Variants in PKIA observed in about 807,000 individuals in gnomAD.
PKIA encodes PKI-alpha.
In PKIA, 4 loss-of-function variants were observed where a neutral mutation model predicts 7.6. The ratio of observed to expected loss-of-function variants is 0.52; its 90% CI spans 0.26 to 1.20. The LOEUF (loss-of-function observed/expected upper bound fraction) is 1.20, where lower values mean the gene tolerates loss of function less well. Among genes scored for constraint, PKIA ranks in the 50% most tolerant of loss-of-function variants. PKIA has a pLI of 0.13. For synonymous variants in PKIA, 21 were observed against 30.7 expected (o/e 0.68, Z 1.04); for missense variants, 73 against 86.2 (o/e 0.85, Z 0.61).
chr8:78,572,370 T>G (rs886596857), intron 1 of PKIA, among the ~76,000 whole-genome samples: 1 of 151,942 alleles, frequency 6.6e-6, no homozygotes, highest in African/African-American at 2.4e-5. Flanking sequence ...TTTAGTCAAA[T>G]TAATTTTTTG....
intron 1 of PKIA, among the ~76,000 whole-genome samples, chr8:78,557,655 G>A (rs1389299810): frequency 2.0e-5 from 3 of 152,094 alleles, no homozygotes; most frequent in African/African-American, 7.2e-5. Flanking sequence ...TAAGGCTCTT[G>A]TCAAAATGGT....
intron 1 of PKIA, among the ~76,000 whole-genome samples, chr8:78,546,083 A>G (rs1259320518): frequency 1.3e-5 from 2 of 152,226 alleles, no homozygotes; most frequent in African/African-American, 4.8e-5. Flanking sequence ...TCATACAATG[A>G]AGGTTTCCTG....
At chr8:78,520,705 CTT>C (rs1183315232) in intron 1 of PKIA, among the ~76,000 whole-genome samples, 1 of 152,150 alleles carries the variant, frequency 6.6e-6, no homozygotes, top group East Asian at 1.9e-4. Flanking sequence ...ACATCTCAAA[CTT>C]TTGATAACTC....
At chr8:78,552,627 G>A (rs886916685) in intron 1 of PKIA, among the ~76,000 whole-genome samples, 8 of 151,960 alleles carry the variant, frequency 5.3e-5, no homozygotes, top group African/African-American at 1.9e-4. Flanking sequence ...ACATGCATGG[G>A]AACAATGGTG....
chr8:78,572,383 G>C (rs184273800), intron 1 of PKIA, among the ~76,000 whole-genome samples: 81 of 151,920 alleles, frequency 5.3e-4, no homozygotes, highest in African/African-American at 1.9e-3. Flanking sequence ...ATTTTTTGAA[G>C]ATCTAAGTGA....
At position 78,568,333 on chromosome 8, in the gene PKIA, C is replaced by T. The variant is rs111436389; in HGVS notation, c.-156-4478C>T. ...ACTTCTGCAAGTGTGAAAATCAAAT[C>T]GTAATAACCTTGTGAACCCTTAGGA... On this transcript the variant is annotated intron_variant, in intron 1 of 3. Transcript: ENST00000396418. Among the ~76,000 whole-genome samples the T allele has an allele frequency of 9.5e-4, 144 of 152,192 alleles. 2 individuals are homozygous for T. The highest frequency in any genetic ancestry group is 3.2e-3 in the African/African-American group (131 of 41,540).
At chr8:78,558,013 T>C (rs1054986688) in intron 1 of PKIA, among the ~76,000 whole-genome samples, 1 of 152,190 alleles carries the variant, frequency 6.6e-6, no homozygotes, top group African/African-American at 2.4e-5. Context: ...GTAGCAAAAA[T>C]CTGAAATTAC....
intron 1 of PKIA, among the ~76,000 whole-genome samples, chr8:78,546,090 C>A (rs1017165042): frequency 6.6e-6 from 1 of 152,118 alleles, no homozygotes; most frequent in Non-Finnish European, 1.5e-5. Flanking sequence ...ATGAAGGTTT[C>A]CTGAAGAGTG....
At chr8:78,590,611 A>G (rs1808070951) in intron 2 of PKIA, among the ~76,000 whole-genome samples, 1 of 152,040 alleles carries the variant, frequency 6.6e-6, no homozygotes, top group Admixed American at 6.6e-5. Flanking sequence ...TAAGCCAGAG[A>G]GTTGCAAATG....
intron 1 of PKIA, among the ~76,000 whole-genome samples, chr8:78,561,873 T>C (rs1462570402): frequency 6.6e-6 from 1 of 152,216 alleles, no homozygotes; most frequent in African/African-American, 2.4e-5. Context: ...TTGTTAGTAA[T>C]AGCTGCTCTA....
At chr8:78,552,377 T>A (rs935589406) in intron 1 of PKIA, among the ~76,000 whole-genome samples, 2 of 151,108 alleles carry the variant, frequency 1.3e-5, no homozygotes, top group Non-Finnish European at 3.0e-5. Context: ...AAGGAAGACT[T>A]AGTGCTTTTC....
intron 2 of PKIA, among the ~76,000 whole-genome samples, chr8:78,579,494 T>A (rs1807757034): frequency 6.6e-6 from 1 of 152,024 alleles, no homozygotes; most frequent in Non-Finnish European, 1.5e-5. Context: ...TTAGGACCTT[T>A]GCACTTGTTA....
At chr8:78,594,564 G>T (rs1808185288) in intron 2 of PKIA, among the ~76,000 whole-genome samples, 3 of 152,164 alleles carry the variant, frequency 2.0e-5, no homozygotes, top group African/African-American at 7.2e-5. Context: ...GCATTTGGTT[G>T]ATATGCATGT....
chr8:78,525,979 G>A (rs1809537190), intron 1 of PKIA, among the ~76,000 whole-genome samples: 2 of 152,030 alleles, frequency 1.3e-5, no homozygotes, highest in East Asian at 1.9e-4. Context: ...GAGTTGTGGT[G>A]AAGATGAAAG....
chr8:78,525,846 T>C (rs1422110908), intron 1 of PKIA, among the ~76,000 whole-genome samples: 1 of 152,032 alleles, frequency 6.6e-6, no homozygotes, highest in Non-Finnish European at 1.5e-5. Context: ...TATGTCTAGA[T>C]CATGTTTTTC....
Position 78,533,483 on chromosome 8 carries a change from T to C in PKIA, c.-157+17015T>C, listed in dbSNP as rs149556369. ...CATTTATTGTACTAGGTGCTGGCAA[T>C]AGAATGTTAAACAGAATGGTATACA... is the stretch of plus-strand genomic sequence containing the variant. On this transcript the variant is annotated intron_variant, in intron 1 of 3. Coordinates refer to ENST00000396418, the MANE Select transcript of PKIA (RefSeq NM_006823.4). Among the ~76,000 whole-genome samples, 368 of 152,280 alleles carry C rather than the reference T, an allele frequency of 2.4e-3. 6 individuals carry two copies. The highest frequency in any genetic ancestry group is 3.4e-3 in the Middle Eastern group (1 of 294).
At chr8:78,526,230 G>A (rs183409287) in intron 1 of PKIA, among the ~76,000 whole-genome samples, 1 of 152,172 alleles carries the variant, frequency 6.6e-6, no homozygotes, top group African/African-American at 2.4e-5. Context: ...GCCAGTGTCA[G>A]GAGAGGTTGG....
intron 1 of PKIA, among the ~76,000 whole-genome samples, chr8:78,545,690 TTTC>T (rs1806803798): frequency 6.6e-6 from 1 of 152,170 alleles, no homozygotes; most frequent in African/African-American, 2.4e-5. Flanking sequence ...GAGCTTGGGT[TTTC>T]TTGTCAAGGG....
chr8:78,574,835 C>A (rs754664191), intron 2 of PKIA, among the ~76,000 whole-genome samples: 3 of 151,880 alleles, frequency 2.0e-5, no homozygotes, highest in Non-Finnish European at 4.4e-5. Flanking sequence ...CTCTTGGGAA[C>A]AGGAGATGTA....
Sources: gnomAD v4.1 joint callset for allele counts (sites outside exome capture counted in the v4.1 genomes callset) on GRCh38, gnomAD v4.1.1 for gene constraint, MANE v1.5 for transcripts, NCBI Gene and HGNC (gene_info 2026-07-23, HGNC 2026-07-21) for gene names.